The following ADAMTS19 variants were observed in gnomAD, a reference collection of about 807,000 sequenced individuals.
ADAMTS19 encodes A disintegrin and metalloproteinase with thrombospondin motifs 19.
Under a neutral mutation model 153.3 loss-of-function variants are expected in ADAMTS19, and 93 were observed. That is an observed-to-expected ratio of 0.61 (90% CI 0.51 to 0.72). The LOEUF (loss-of-function observed/expected upper bound fraction) is 0.72. ADAMTS19 is among the 30% of genes least tolerant of loss of function. The pLI is 0.00. For missense variants in ADAMTS19, 1,482 were observed against 1,552.1 expected, an observed-to-expected ratio of 0.95 and a Z score of 0.76; for synonymous variants, 600 against 556.6, an observed-to-expected ratio of 1.08 and a Z score of -1.10.
intron 19 of ADAMTS19, among the ~76,000 whole-genome samples, chr5:129,696,288 A>G (rs1005318061): frequency 6.6e-6 from 1 of 152,138 alleles, no homozygotes; most frequent in African/African-American, 2.4e-5. Flanking sequence ...ATGGTAGCAC[A>G]TGCCTATAAT....
intron 8 of ADAMTS19, among the ~76,000 whole-genome samples, chr5:129,614,361 G>A (rs1465704431): frequency 1.3e-5 from 2 of 152,062 alleles, no homozygotes; most frequent in African/African-American, 2.4e-5. Flanking sequence ...TTCATCCCTG[G>A]GATGCAAGGC....
intron 2 of ADAMTS19, among the ~76,000 whole-genome samples, chr5:129,491,726 A>G (rs957323420): frequency 1.3e-5 from 2 of 152,198 alleles, no homozygotes; most frequent in Admixed American, 1.3e-4. Context: ...GGCATTCCTT[A>G]AGAAGGTTTT....
At chr5:129,619,083 A>G (rs1426147963) in intron 8 of ADAMTS19, among the ~76,000 whole-genome samples, 1 of 152,074 alleles carries the variant, frequency 6.6e-6, no homozygotes, top group Admixed American at 6.6e-5. Context: ...GGGATAGTGA[A>G]AGAAAACCTG....
At chr5:129,646,884 A>G (rs528515126) in intron 11 of ADAMTS19, among the ~76,000 whole-genome samples, 1 of 152,222 alleles carries the variant, frequency 6.6e-6, no homozygotes, top group African/African-American at 2.4e-5. Context: ...TACTCTTACC[A>G]TGTTTGCTAC....
At position 129,648,815 on chromosome 5, in the gene ADAMTS19, G is replaced by C; in HGVS notation, c.2021G>C (p.Arg674Thr). ...RKCPGLDSEA[R>T]DCNGPRKQYR... is the part of the protein sequence containing the mutation. ...TTTTCTAGGCTAGATTCTGAAGCAA[G>C]GGATTGTAATGGTCCCAGAAAACAA... is the stretch of plus-strand genomic sequence containing the variant. Residue 674 changes from arginine (R) to threonine (T), a missense_variant, in exon 13 of 23, where the codon AGG becomes ACG. Transcript: ENST00000274487. The C allele has an allele frequency of 6.2e-7, 1 of 1,612,782 alleles. No individual in the cohort carries two copies. The highest frequency in any genetic ancestry group is 8.5e-7 in the Non-Finnish European group (1 of 1,179,614).
At chr5:129,519,724 A>G (rs890140098) in intron 3 of ADAMTS19, among the ~76,000 whole-genome samples, 11 of 151,818 alleles carry the variant, frequency 7.2e-5, no homozygotes, top group African/African-American at 2.4e-4. Context: ...CCACTATGCC[A>G]TTTTGCATAC....
intron 7 of ADAMTS19, among the ~76,000 whole-genome samples, chr5:129,578,503 G>C (rs1749317748): frequency 6.6e-6 from 1 of 151,594 alleles, no homozygotes; most frequent in Non-Finnish European, 1.5e-5. Flanking sequence ...AGAATGTGCA[G>C]GTTACATAGG....
intron 8 of ADAMTS19, among the ~76,000 whole-genome samples, chr5:129,599,540 G>T (rs888298786): frequency 1.3e-5 from 2 of 152,112 alleles, no homozygotes; most frequent in African/African-American, 4.8e-5. Flanking sequence ...TTTAAAACCA[G>T]ATATGCAAAA....
At chr5:129,481,240 GGA>G (rs752315319) in intron 2 of ADAMTS19, among the ~76,000 whole-genome samples, 5 of 152,156 alleles carry the variant, frequency 3.3e-5, no homozygotes, top group Admixed American at 3.3e-4. Context: ...CAAGGTGGCA[GGA>G]GAGAGAGACA....
At chr5:129,628,577 G>A (rs1752157897) in intron 10 of ADAMTS19, among the ~76,000 whole-genome samples, 1 of 152,064 alleles carries the variant, frequency 6.6e-6, no homozygotes, top group African/African-American at 2.4e-5. Flanking sequence ...ATATGGGAAT[G>A]CCTGAATATA....
Position 129,526,365 on chromosome 5 carries a change from A to G in ADAMTS19, c.995A>G (p.Asn332Ser). The change falls in exon 4 of 23, where the codon AAC (asparagine) becomes AGC (serine). Residue 332 changes from asparagine to serine, a missense_variant. This residue lies in a region of ADAMTS19 where 866 missense variants were observed against 827.7 expected (regional missense o/e 1.05). Transcript: ENST00000274487. ...RYSYKLPQEY[N>S]IETVVVADPA... Reference sequence around the variant, plus strand: ...TCATACAAATTACCTCAAGAATACAACATAGAGACTGTAGTGGTTGCAGAC... The same window carrying G: ...TCATACAAATTACCTCAAGAATACAGCATAGAGACTGTAGTGGTTGCAGAC... 1.9e-6 allele frequency: 3 copies of G among 1,605,032 alleles called. No individual in the cohort carries two copies. The highest frequency in any genetic ancestry group is 2.6e-6 in the Non-Finnish European group (3 of 1,176,232).
Position 129,715,249 on chromosome 5 carries a change from T to A in ADAMTS19, c.3312+10858T>A, listed in dbSNP as rs560397640. ...GTTAACAGTTTCTATCTGGAATTTT[T>A]AAAAAATTCTTACTTTTTTAATCCT... On this transcript the variant is annotated intron_variant, in intron 21 of 22. Coordinates refer to ENST00000274487, the MANE Select transcript of ADAMTS19 (RefSeq NM_133638.6). 1.4e-4 allele frequency among the ~76,000 whole-genome samples: 22 copies of A among 152,350 alleles called. No individual in the cohort carries two copies. The South Asian group carries it at 3.7e-3, about 26-fold the overall frequency.
intron 15 of ADAMTS19, among the ~76,000 whole-genome samples, chr5:129,662,170 C>A (rs1162809457): frequency 1.3e-5 from 2 of 152,060 alleles, no homozygotes; most frequent in African/African-American, 2.4e-5. Flanking sequence ...CAAAATATGG[C>A]GTTTGTTACT....
At position 129,506,276 on chromosome 5, in the gene ADAMTS19, T is replaced by A. The variant is rs141928912; in HGVS notation, c.748-2801T>A. Among the ~76,000 whole-genome samples, 426 of 152,248 alleles carry A rather than the reference T, an allele frequency of 2.8e-3. 1 individual carries two copies. Among genetic ancestry groups the A allele is most frequent in the African/African-American group, 9.9e-3 (411 of 41,558 alleles). On this transcript the variant is annotated intron_variant, in intron 2 of 22. Coordinates refer to ENST00000274487, the MANE Select transcript of ADAMTS19 (RefSeq NM_133638.6). ...ATTCTAGGCCCAGAAAGAAAGTTCATGGTATGACTCTTGGTGCTAAATATG... is the reference window on the plus strand; with the variant it reads ...ATTCTAGGCCCAGAAAGAAAGTTCAAGGTATGACTCTTGGTGCTAAATATG...
intron 3 of ADAMTS19, among the ~76,000 whole-genome samples, chr5:129,525,543 G>T (rs898682811): frequency 4.6e-5 from 7 of 151,888 alleles, no homozygotes; most frequent in African/African-American, 1.7e-4. Context: ...GAAAAGTATT[G>T]CAACTATCTT....
intron 16 of ADAMTS19, among the ~76,000 whole-genome samples, chr5:129,667,470 T>G (rs1025419248): frequency 6.6e-6 from 1 of 152,138 alleles, no homozygotes; most frequent in Non-Finnish European, 1.5e-5. Flanking sequence ...TGGGGCCTGG[T>G]GGGAGGTGAT....
At chr5:129,733,039 C>T (rs1043355973) in intron 21 of ADAMTS19, among the ~76,000 whole-genome samples, 3 of 151,626 alleles carry the variant, frequency 2.0e-5, no homozygotes, top group African/African-American at 7.3e-5. Flanking sequence ...ACAGAGTCAA[C>T]AAAAAAATGC....
chr5:129,546,205 G>T (rs1752848096), intron 6 of ADAMTS19, among the ~76,000 whole-genome samples: 1 of 144,710 alleles, frequency 6.9e-6, no homozygotes, highest in African/African-American at 2.7e-5. Flanking sequence ...ATGGACACAG[G>T]AAGGGGAATA....
intron 2 of ADAMTS19, among the ~76,000 whole-genome samples, chr5:129,475,473 G>A (rs1397071031): frequency 2.6e-5 from 4 of 152,250 alleles, no homozygotes; most frequent in Non-Finnish European, 4.4e-5. Context: ...ATTGATTTAT[G>A]TAGCTTATAA....
Sources: gnomAD v4.1 joint callset for allele counts (sites outside exome capture counted in the v4.1 genomes callset) on GRCh38, gnomAD v4.1.1 for gene constraint, gnomAD v4.1.1 regional missense constraint, MANE v1.5 for transcripts, NCBI Gene and HGNC (gene_info 2026-07-23, HGNC 2026-07-21) for gene names.